OTUD7A: variants seen among roughly 807,000 people sequenced by gnomAD.
The protein encoded by OTUD7A is OTU deubiquitinase 7A.
Under a neutral mutation model 65.7 loss-of-function variants are expected in OTUD7A, and 12 were observed. The observed-to-expected ratio is 0.18, with a 90% CI of 0.12 to 0.30. The LOEUF (loss-of-function observed/expected upper bound fraction) is 0.30. Ranked by LOEUF, OTUD7A falls within the 10% of genes least tolerant of loss-of-function variation. The probability of loss-of-function intolerance (pLI) is 1.00; values close to 1 mark genes in which losing one functional copy is unlikely to be tolerated. For missense variants in OTUD7A, 1,148 were observed against 1,304.8 expected (o/e 0.88, Z 1.85); for synonymous variants, 641 against 586.3 (o/e 1.09, Z -1.35).
At chr15:31,734,868 C>T (rs553536331) in intron 1 of OTUD7A, among the ~76,000 whole-genome samples, 2 of 151,774 alleles carry the variant, frequency 1.3e-5, no homozygotes, top group South Asian at 4.2e-4. Context: ...GATGAAGATG[C>T]CAAAAGCAAT....
chr15:31,823,705 C>T (rs1022817654), intron 1 of OTUD7A, among the ~76,000 whole-genome samples: 5 of 152,098 alleles, frequency 3.3e-5, no homozygotes, highest in East Asian at 1.9e-4. Flanking sequence ...TCTGATTGCA[C>T]GTGTACCTTA....
At chr15:31,811,430 G>A (rs1896412567) in intron 1 of OTUD7A, among the ~76,000 whole-genome samples, 1 of 151,940 alleles carries the variant, frequency 6.6e-6, no homozygotes, top group Admixed American at 6.6e-5. Flanking sequence ...TGTGTGGTAT[G>A]TGTGAGTGTG....
intron 1 of OTUD7A, among the ~76,000 whole-genome samples, chr15:31,679,997 A>G (rs926731700): frequency 6.6e-6 from 1 of 152,234 alleles, no homozygotes; most frequent in Non-Finnish European, 1.5e-5. Flanking sequence ...GGAAACTCAA[A>G]TGACTAGTCG....
chr15:31,845,642 G>A (rs1260238652), intron 1 of OTUD7A, among the ~76,000 whole-genome samples: 2 of 152,186 alleles, frequency 1.3e-5, no homozygotes, highest in Non-Finnish European at 2.9e-5. Context: ...CTGGCCTGGG[G>A]ACTCTGCGAC....
intron 5 of OTUD7A, among the ~76,000 whole-genome samples, chr15:31,534,780 C>A (rs1242776570): frequency 6.6e-6 from 1 of 152,114 alleles, no homozygotes; most frequent in East Asian, 1.9e-4. Flanking sequence ...GGTTCTGGGA[C>A]CCCGCCGACA....
intron 6 of OTUD7A, among the ~76,000 whole-genome samples, chr15:31,528,129 G>T (rs1056878477): frequency 6.6e-6 from 1 of 152,230 alleles, no homozygotes; most frequent in Non-Finnish European, 1.5e-5. Context: ...AAAATCTCAT[G>T]GAGCACATGT....
intron 1 of OTUD7A, among the ~76,000 whole-genome samples, chr15:31,661,076 G>A (rs191387218): frequency 1.3e-5 from 2 of 152,346 alleles, no homozygotes; most frequent in Admixed American, 1.3e-4. Flanking sequence ...AGAGCATCTG[G>A]TGCCTTTAAA....
At chr15:31,868,623 G>A (rs60470751) in intron 1 of OTUD7A, among the ~76,000 whole-genome samples, 5,438 of 152,138 alleles carry the variant, frequency 0.036, 353 homozygotes, top group African/African-American at 0.12. Context: ...GAATAAATGC[G>A]GCACCATCAG....
rs1272766248 is a variant in OTUD7A, at chr15:31,501,684, G to A, written c.1171+6C>T. On this transcript the variant is annotated splice_donor_region_variant and intron_variant, in intron 10 of 12. Coordinates refer to ENST00000307050, the MANE Select transcript of OTUD7A (RefSeq NM_001382637.1). ...CTGCGTGCACTCTCTTGGGAGACAG[G>A]CATACCTTGTTCTCTTTGCTGGTCT... The A allele has an allele frequency of 5.0e-6, 8 of 1,613,988 alleles. No homozygotes were observed. Among genetic ancestry groups the A allele is most frequent in the Middle Eastern group, 1.6e-4 (1 of 6,080 alleles).
At chr15:31,588,779 C>G (rs917433288) in intron 3 of OTUD7A, among the ~76,000 whole-genome samples, 1 of 152,166 alleles carries the variant, frequency 6.6e-6, no homozygotes, top group African/African-American at 2.4e-5. Flanking sequence ...CGGCAGCAGC[C>G]CACTCAACCA....
chr15:31,493,133 G>A (rs1278916440), intron 10 of OTUD7A, among the ~76,000 whole-genome samples: 1 of 143,832 alleles, frequency 7.0e-6, no homozygotes, highest in Admixed American at 7.1e-5. Flanking sequence ...TTGAACCTGA[G>A]AGGTTGAGGT....
chr15:31,712,934 G>A (rs1893484140), intron 1 of OTUD7A, among the ~76,000 whole-genome samples: 1 of 151,878 alleles, frequency 6.6e-6, no homozygotes, highest in Non-Finnish European at 1.5e-5. Flanking sequence ...TGAGGGAAAT[G>A]ATCCTAGCTC....
intron 3 of OTUD7A, among the ~76,000 whole-genome samples, chr15:31,610,645 G>A (rs552848786): frequency 5.0e-5 from 2 of 40,222 alleles, no homozygotes; most frequent in Non-Finnish European, 8.2e-5. Flanking sequence ...TTTTTGAGAC[G>A]GAGTCTCACT....
chr15:31,856,748 G>A (rs1897584658), intron 1 of OTUD7A, among the ~76,000 whole-genome samples: 1 of 152,222 alleles, frequency 6.6e-6, no homozygotes, highest in Non-Finnish European at 1.5e-5. Context: ...GCGGACAAAG[G>A]TTTGAACAAT....
At chr15:31,527,492 C>G (rs16956838) in intron 6 of OTUD7A, among the ~76,000 whole-genome samples, 184 bp from the exon 7 acceptor site, 14,358 of 152,216 alleles carry the variant, frequency 0.094, 1,051 homozygotes, top group African/African-American at 0.19. Flanking sequence ...ATTAAGGCAA[C>G]TAGGTGAATG....
chr15:31,711,285 T>C (rs542293936), intron 1 of OTUD7A, among the ~76,000 whole-genome samples: 128 of 152,276 alleles, frequency 8.4e-4, no homozygotes, highest in African/African-American at 3.0e-3. Context: ...TTTTATTCCT[T>C]ATTTCTATTA....
Position 31,867,870 on chromosome 15 carries a change from T to G in OTUD7A, c.-100+2637A>C, listed in dbSNP as rs527637808. 5.3e-4 allele frequency among the ~76,000 whole-genome samples: 79 copies of G among 148,386 alleles called. 1 individual carries two copies. The highest frequency in any genetic ancestry group is 1.7e-3 in the African/African-American group (69 of 40,778). On this transcript the variant is annotated intron_variant, in intron 1 of 12. Coordinates refer to ENST00000307050, the MANE Select transcript of OTUD7A (RefSeq NM_001382637.1). The stretch of plus-strand genomic sequence containing the variant: ...TATGTGCCCCCAACCCTTCCTTAAG[T>G]TTCCATCTCTTGGAAGACAGGCATG...
At chr15:31,640,674 TC>T (rs1891485427) in intron 3 of OTUD7A, among the ~76,000 whole-genome samples, 1 of 151,570 alleles carries the variant, frequency 6.6e-6, no homozygotes, top group South Asian at 2.1e-4. Flanking sequence ...TTCTTAACTT[TC>T]CAATTTGTTT....
At chr15:31,534,570 A>T (rs1479600058) in intron 5 of OTUD7A, among the ~76,000 whole-genome samples, 4 of 152,242 alleles carry the variant, frequency 2.6e-5, no homozygotes, top group South Asian at 4.1e-4. Flanking sequence ...GTCAAGAGAA[A>T]GAAATAAAAT....
Sources: gnomAD v4.1 joint callset for allele counts (sites outside exome capture counted in the v4.1 genomes callset) on GRCh38, gnomAD v4.1.1 for gene constraint, MANE v1.5 for transcripts, NCBI Gene and HGNC (gene_info 2026-07-23, HGNC 2026-07-21) for gene names.